Variants in TYW1B observed in about 807,000 individuals in gnomAD.
TYW1B encodes the protein S-adenosyl-L-methionine-dependent tRNA 4-demethylwyosine synthase TYW1B.
In TYW1B, 73 loss-of-function variants were observed where a neutral mutation model predicts 86.9. That is an observed-to-expected ratio of 0.84 (90% CI 0.70 to 1.02). The LOEUF is 1.02. TYW1B is among the 50% of genes least tolerant of loss of function. The pLI is 0.00. For missense variants in TYW1B, 637 were observed against 827.4 expected, an observed-to-expected ratio of 0.77 and a Z score of 2.82; for synonymous variants, 248 against 292.8, an observed-to-expected ratio of 0.85 and a Z score of 1.56.
chr7:72,752,815 T>C (rs1354179448), intron 7 of TYW1B, among the ~76,000 whole-genome samples: 1 of 152,216 alleles, frequency 6.6e-6, no homozygotes, highest in Non-Finnish European at 1.5e-5. Flanking sequence ...ATGTCAATTA[T>C]ACAGCAATAA....
chr7:72,759,640 A>G (rs1554466883), intron 7 of TYW1B, among the ~76,000 whole-genome samples: 1 of 152,112 alleles, frequency 6.6e-6, no homozygotes, highest in African/African-American at 2.4e-5. Context: ...CTATCTCTCT[A>G]TTTGTTTTTC....
intron 8 of TYW1B, among the ~76,000 whole-genome samples, chr7:72,729,574 T>A (rs1470858558): frequency 6.6e-6 from 1 of 151,726 alleles, no homozygotes; most frequent in Non-Finnish European, 1.5e-5. Flanking sequence ...TACAACCATA[T>A]CCAAGCACCT....
At chr7:72,627,694 T>C (rs558510103) in intron 12 of TYW1B, among the ~76,000 whole-genome samples, 30 of 152,172 alleles carry the variant, frequency 2.0e-4, no homozygotes, top group African/African-American at 5.8e-4. Context: ...TGACTCCTGA[T>C]TGGAGTATAC....
intron 8 of TYW1B, among the ~76,000 whole-genome samples, chr7:72,729,262 C>G (rs574554656): frequency 6.6e-6 from 1 of 152,280 alleles, no homozygotes; most frequent in African/African-American, 2.4e-5. Context: ...CATCATGTTA[C>G]TGTCATCTAC....
intron 11 of TYW1B, among the ~76,000 whole-genome samples, chr7:72,670,024 C>T (rs1425417791): frequency 4.6e-5 from 7 of 151,902 alleles, no homozygotes; most frequent in Non-Finnish European, 7.4e-5. Flanking sequence ...TCAGCTGCTC[C>T]GGCAGCTGAG....
chr7:72,713,451 C>T (rs1441602254), intron 10 of TYW1B, among the ~76,000 whole-genome samples, 170 bp downstream of exon 10: 1 of 151,926 alleles, frequency 6.6e-6, no homozygotes, highest in African/African-American at 2.4e-5. Flanking sequence ...TGTTGTTGTG[C>T]CTAATAGAAC....
At chr7:72,707,432 T>A (rs2022928) in intron 10 of TYW1B, among the ~76,000 whole-genome samples, 120,171 of 151,754 alleles carry the variant, frequency 0.79, 47,985 homozygotes, top group Middle Eastern at 0.86. Flanking sequence ...TAAATGATTG[T>A]TAGTTAGTTT....
chr7:72,690,182 C>G (rs1554450078), intron 11 of TYW1B, among the ~76,000 whole-genome samples: 1 of 152,192 alleles, frequency 6.6e-6, no homozygotes, highest in African/African-American at 2.4e-5. Context: ...GTTCAGTTTA[C>G]TACTGGATCT....
At chr7:72,646,610 G>A (rs1229865426) in intron 11 of TYW1B, among the ~76,000 whole-genome samples, 1 of 152,162 alleles carries the variant, frequency 6.6e-6, no homozygotes, top group Non-Finnish European at 1.5e-5. Context: ...CTGAGCTCAA[G>A]CGATCTGCCT....
At chr7:72,602,833 AACACACACACAC>A (rs55709140) in intron 13 of TYW1B, among the ~76,000 whole-genome samples, 5,948 of 127,812 alleles carry the variant, frequency 0.047, 162 homozygotes, top group Non-Finnish European at 0.062. Flanking sequence ...AAGTGCTCAA[AACACACACACAC>A]ACACACACAC....
chr7:72,670,994 A>G (rs1813587534), intron 11 of TYW1B, among the ~76,000 whole-genome samples: 1 of 152,218 alleles, frequency 6.6e-6, no homozygotes, highest in Non-Finnish European at 1.5e-5. Context: ...TAAACTGCAC[A>G]AACTGTATTG....
intron 7 of TYW1B, among the ~76,000 whole-genome samples, chr7:72,753,342 CA>C (rs1395834017): frequency 6.6e-6 from 1 of 151,890 alleles, no homozygotes; most frequent in Non-Finnish European, 1.5e-5. Flanking sequence ...GTTCTAAAGA[CA>C]TAGAAGAAAG....
intron 9 of TYW1B, among the ~76,000 whole-genome samples, chr7:72,719,227 A>G (rs1786847220): frequency 6.6e-6 from 1 of 151,852 alleles, no homozygotes; most frequent in Non-Finnish European, 1.5e-5. Context: ...AGCTGACTGC[A>G]GCCTCAATCT....
Position 72,778,059 on chromosome 7 carries a change from G to T in TYW1B, c.847-526C>A, listed in dbSNP as rs185384110. ...TAAAGACATGCCAGGATGCTCTTTT[G>T]TTAAGTAACTATATATTCAAACATA... On this transcript the variant is annotated intron_variant, in intron 6 of 13. Transcript: ENST00000620995. Among the ~76,000 whole-genome samples the T allele has an allele frequency of 2.6e-5, 4 of 152,230 alleles. No homozygotes were observed. The East Asian group carries it at 7.7e-4, about 29-fold the overall frequency.
At position 72,694,687 on chromosome 7, in the gene TYW1B, C is replaced by T; in HGVS notation, c.1506G>A (p.Lys502=). 6.2e-7 allele frequency: 1 copy of T among 1,603,788 alleles called. No individual in the cohort carries two copies. ...FLDSLKALAV[K]QQRTVYRLML... ...ATTTTTAAGATGTCATAATTCTTAC[C>T]TTGACTGCCAAGGCTTTTAAACTGT... The change falls in exon 11 of 14, where the codon AAG becomes AAA. Residue 502 remains lysine, a splice_region_variant and synonymous_variant. Coordinates refer to ENST00000620995, the MANE Select transcript of TYW1B (RefSeq NM_001145440.3).
At chr7:72,649,853 A>T (rs1435416794) in intron 11 of TYW1B, among the ~76,000 whole-genome samples, 2 of 152,148 alleles carry the variant, frequency 1.3e-5, no homozygotes, top group Non-Finnish European at 1.5e-5. Context: ...TGGAAAATTA[A>T]TCATTCAAAT....
chr7:72,670,627 C>T (rs1813577638), intron 11 of TYW1B, among the ~76,000 whole-genome samples: 1 of 152,214 alleles, frequency 6.6e-6, no homozygotes, highest in African/African-American at 2.4e-5. Context: ...GGGAGTCAAA[C>T]ACTCGCATTC....
At chr7:72,756,922 C>A (rs1787599675) in intron 7 of TYW1B, among the ~76,000 whole-genome samples, 1 of 152,104 alleles carries the variant, frequency 6.6e-6, no homozygotes, top group South Asian at 2.1e-4. Flanking sequence ...AAGATGCAAA[C>A]CTCTAAGAGA....
At chr7:72,663,325 A>G (rs1585885595) in intron 11 of TYW1B, among the ~76,000 whole-genome samples, 2 of 152,294 alleles carry the variant, frequency 1.3e-5, no homozygotes, top group African/African-American at 2.4e-5. Context: ...TTCAAAGTAA[A>G]TATCATTAAA....
Sources: gnomAD v4.1 joint callset for allele counts (sites outside exome capture counted in the v4.1 genomes callset) on GRCh38, gnomAD v4.1.1 for gene constraint, MANE v1.5 for transcripts, NCBI Gene and HGNC (gene_info 2026-07-23, HGNC 2026-07-21) for gene names.